Variants in ARHGEF10 observed in about 807,000 individuals in gnomAD.
ARHGEF10 encodes the protein Rho guanine nucleotide exchange factor (GEF) 10.
ARHGEF10 carries 140 observed loss-of-function variants against 147.4 expected under a neutral mutation model. The ratio of observed to expected loss-of-function variants is 0.95; its 90% CI spans 0.83 to 1.09. ARHGEF10 has a LOEUF of 1.09. ARHGEF10 is among the 50% of genes least tolerant of loss of function. ARHGEF10 has a pLI of 0.00. For synonymous variants in ARHGEF10, 902 were observed against 695.8 expected, an observed-to-expected ratio of 1.30 and a Z score of -4.67; for missense variants, 2,222 against 1,752.7, an observed-to-expected ratio of 1.27 and a Z score of -4.78.
chr8:1,893,820 T>C (rs761207465), intron 12 of ARHGEF10, among the ~76,000 whole-genome samples, 174 bp downstream of exon 12: 1 of 152,188 alleles, frequency 6.6e-6, no homozygotes, highest in African/African-American at 2.4e-5. Flanking sequence ...AAAGTCATGA[T>C]TTATGTTGAA....
intron 18 of ARHGEF10, among the ~76,000 whole-genome samples, chr8:1,912,144 G>T (rs771350987): frequency 6.6e-5 from 10 of 152,176 alleles, no homozygotes; most frequent in Non-Finnish European, 1.3e-4. Flanking sequence ...AGCTGCAGCA[G>T]GGAGCTCCCT....
chr8:1,847,505 C>A (rs548693190), intron 2 of ARHGEF10, among the ~76,000 whole-genome samples: 1 of 152,248 alleles, frequency 6.6e-6, no homozygotes, highest in South Asian at 2.1e-4. Context: ...CACAAAAAAT[C>A]ATTTACCAAA....
chr8:1,879,498 G>A (rs996146896), intron 8 of ARHGEF10, among the ~76,000 whole-genome samples: 5 of 151,874 alleles, frequency 3.3e-5, no homozygotes, highest in African/African-American at 9.7e-5. Context: ...CCCTAGCCTG[G>A]TGTCTGGATA....
intron 1 of ARHGEF10, among the ~76,000 whole-genome samples, chr8:1,837,445 G>C (rs780483783): frequency 5.3e-5 from 8 of 152,252 alleles, no homozygotes; most frequent in Non-Finnish European, 1.0e-4. Flanking sequence ...GTGGAAAAAT[G>C]AGAAATCAAT....
chr8:1,854,317 T>C (rs1282384938), intron 2 of ARHGEF10, among the ~76,000 whole-genome samples: 1 of 151,996 alleles, frequency 6.6e-6, no homozygotes, highest in African/African-American at 2.4e-5. Flanking sequence ...GGCCTCGCCC[T>C]CTGTCCTGGG....
intron 11 of ARHGEF10, among the ~76,000 whole-genome samples, chr8:1,891,196 T>C (rs1160082094): frequency 6.6e-6 from 1 of 152,214 alleles, no homozygotes; most frequent in Non-Finnish European, 1.5e-5. Flanking sequence ...TTAGGATTTC[T>C]GCATTCTTTC....
At chr8:1,912,795 C>T (rs1436012408) in intron 18 of ARHGEF10, among the ~76,000 whole-genome samples, 1 of 152,174 alleles carries the variant, frequency 6.6e-6, no homozygotes, top group East Asian at 1.9e-4. Context: ...CTCCCTGATG[C>T]TATTTTGAAA....
At chr8:1,844,002 G>T (rs1047653757) in intron 2 of ARHGEF10, among the ~76,000 whole-genome samples, 1 of 152,190 alleles carries the variant, frequency 6.6e-6, no homozygotes, top group East Asian at 1.9e-4. Context: ...CTCGCGCTCC[G>T]GCCAGTGGAG....
At chr8:1,913,422 T>A (rs1000447963) in intron 18 of ARHGEF10, among the ~76,000 whole-genome samples, 2 of 152,250 alleles carry the variant, frequency 1.3e-5, no homozygotes, top group African/African-American at 4.8e-5. Context: ...CTCCTTCAGA[T>A]GTGCAAATAT....
chr8:1,927,253 T>C (rs1812760380), intron 23 of ARHGEF10: 1 of 152,750 alleles, frequency 6.5e-6, no homozygotes, highest in African/African-American at 2.4e-5. Context: ...AGACCTGTCA[T>C]GGCTGAAGCT....
Position 1,843,380 on chromosome 8 carries a change from G to C in ARHGEF10, c.-20G>C. ...GCTCCTTCCCTTAACAGAGCTGAGA[G>C]AGGCATCTGGAGCTGCAGCATGGAC... On this transcript the variant is annotated 5_prime_UTR_variant, in exon 2 of 29. Coordinates refer to ENST00000349830, the MANE Select transcript of ARHGEF10 (RefSeq NM_014629.4). The C allele has an allele frequency of 6.2e-7, 1 of 1,613,046 alleles. No individual in the cohort carries two copies. Among genetic ancestry groups the C allele is most frequent in the Non-Finnish European group, 8.5e-7 (1 of 1,179,998 alleles).
chr8:1,833,407 G>T (rs953365009), intron 1 of ARHGEF10, among the ~76,000 whole-genome samples: 4 of 151,656 alleles, frequency 2.6e-5, no homozygotes, highest in African/African-American at 7.3e-5. Flanking sequence ...CAGAGACAGA[G>T]ACAGAGGCAG....
At chr8:1,887,629 A>G (rs1357463346) in intron 11 of ARHGEF10, among the ~76,000 whole-genome samples, 6 of 129,464 alleles carry the variant, frequency 4.6e-5, no homozygotes, top group African/African-American at 1.6e-4. Context: ...GGTTGTGAGG[A>G]GACTGTGAGT....
chr8:1,941,518 G>C (rs1410510247), intron 26 of ARHGEF10, among the ~76,000 whole-genome samples: 1 of 151,168 alleles, frequency 6.6e-6, no homozygotes, highest in African/African-American at 2.4e-5. Flanking sequence ...CTATTGTTAA[G>C]AAGAAAACAG....
chr8:1,885,730 G>A, intron 11 of ARHGEF10, 23 bp downstream of exon 11: 1 of 1,545,882 alleles, frequency 6.5e-7, no homozygotes, highest in Non-Finnish European at 8.9e-7. Flanking sequence ...GAGCTGACAG[G>A]GGCTGTTGAC....
chr8:1,840,496 G>C (rs1333864776), intron 1 of ARHGEF10, among the ~76,000 whole-genome samples: 1 of 145,894 alleles, frequency 6.9e-6, no homozygotes, highest in Non-Finnish European at 1.5e-5. Flanking sequence ...GAAGCTGTCC[G>C]GTGTGGGGAC....
intron 10 of ARHGEF10, among the ~76,000 whole-genome samples, chr8:1,883,269 G>A (rs930682661): frequency 6.6e-5 from 10 of 152,122 alleles, no homozygotes; most frequent in African/African-American, 2.4e-4. Context: ...GTCGTGCACG[G>A]CGGCAACAAG....
At chr8:1,901,766 A>C (rs918280363) in intron 15 of ARHGEF10, among the ~76,000 whole-genome samples, 1 of 152,228 alleles carries the variant, frequency 6.6e-6, no homozygotes, top group South Asian at 2.1e-4. Flanking sequence ...ACTAGTGTTA[A>C]GATTGTTCTT....
At position 1,952,729 on chromosome 8, in the gene ARHGEF10, G is replaced by A. The variant is rs772715221; in HGVS notation, c.3422G>A (p.Ser1141Asn). Residue 1141 changes from serine (S) to asparagine (N), a missense_variant, in exon 28 of 29, where the codon AGC (serine) becomes AAC (asparagine). Physicochemically the swap from Ser to Asn is conservative, Grantham distance 46. Transcript: ENST00000349830. ...LPGHQRLSVT[S>N]LLVCHGLLMV... is the part of the protein sequence containing the mutation. Reference sequence around the variant, plus strand: ...GGGCACCAGCGGCTGTCGGTGACGAGCCTGCTCGTCTGCCACGGATTGCTG... The same window carrying A: ...GGGCACCAGCGGCTGTCGGTGACGAACCTGCTCGTCTGCCACGGATTGCTG... 1.9e-6 allele frequency: 3 copies of A among 1,613,248 alleles called. No individual in the cohort carries two copies. Among genetic ancestry groups the A allele is most frequent in the East Asian group, 2.2e-5 (1 of 44,872 alleles).
Sources: allele counts gnomAD v4.1 joint callset (sites outside exome capture counted in the v4.1 genomes callset), GRCh38; gene constraint gnomAD v4.1.1; transcripts MANE v1.5; gene names NCBI Gene and HGNC (gene_info 2026-07-23, HGNC 2026-07-21).